The following LARGE1 variants were observed in gnomAD, a reference collection of about 807,000 sequenced individuals.
The protein encoded by LARGE1 is LARGE xylosyl- and glucuronyltransferase 1.
A neutral mutation model predicts 87.6 loss-of-function variants in LARGE1; 43 were observed. The observed-to-expected ratio is 0.49, with a 90% CI of 0.38 to 0.63. LARGE1 has a LOEUF of 0.63. Ranked by LOEUF, LARGE1 falls within the 30% of genes least tolerant of loss-of-function variation. The probability of loss-of-function intolerance (pLI) is 0.00; values close to 1 mark genes in which losing one functional copy is unlikely to be tolerated. For missense variants in LARGE1, 802 were observed against 1,000.2 expected, an observed-to-expected ratio of 0.80 and a Z score of 2.67; for synonymous variants, 434 against 394.6, an observed-to-expected ratio of 1.10 and a Z score of -1.18.
intron 3 of LARGE1, among the ~76,000 whole-genome samples, chr22:33,634,581 TC>T (rs986362873): frequency 2.7e-5 from 4 of 150,382 alleles, no homozygotes; most frequent in African/African-American, 2.4e-5. Flanking sequence ...CCACCACATG[TC>T]CCGAGGCCTT....
intron 6 of LARGE1, among the ~76,000 whole-genome samples, chr22:33,449,562 C>T (rs891403249): frequency 3.9e-5 from 6 of 152,212 alleles, no homozygotes; most frequent in Admixed American, 2.0e-4. Flanking sequence ...CAGCTACAAC[C>T]GCATTTCACT....
chr22:33,293,706 T>C (rs16992071), intron 12 of LARGE1, among the ~76,000 whole-genome samples: 1 of 152,192 alleles, frequency 6.6e-6, no homozygotes, highest in Non-Finnish European at 1.5e-5. Flanking sequence ...GATTCCACCT[T>C]GAATGAGCAA....
intron 6 of LARGE1, among the ~76,000 whole-genome samples, chr22:33,547,457 C>T (rs1027599926): frequency 2.0e-5 from 3 of 152,124 alleles, no homozygotes; most frequent in African/African-American, 7.2e-5. Flanking sequence ...CAGACCACAC[C>T]GGTCTGGCGC....
intron 1 of LARGE1, among the ~76,000 whole-genome samples, chr22:33,864,530 C>T (rs1723528671): frequency 6.6e-6 from 1 of 152,164 alleles, no homozygotes; most frequent in African/African-American, 2.4e-5. Flanking sequence ...AAAATGCATG[C>T]TTCTGTACAT....
exon 12 of LARGE1, chr22:33,163,338 T>C (rs1165409335): frequency 6.6e-6 from 1 of 152,226 alleles, no homozygotes; most frequent in Non-Finnish European, 1.5e-5. Flanking sequence ...AAATGAAGTG[T>C]GGTATGCTTT....
intron 1 of LARGE1, among the ~76,000 whole-genome samples, chr22:33,779,572 G>C (rs2085351560): frequency 6.6e-6 from 1 of 152,040 alleles, no homozygotes; most frequent in South Asian, 2.1e-4. Flanking sequence ...CAGAGGTCAA[G>C]AGTTGGAGAC....
chr22:33,623,434 T>G (rs2079818150), intron 4 of LARGE1, among the ~76,000 whole-genome samples: 3 of 152,174 alleles, frequency 2.0e-5, no homozygotes, highest in Admixed American at 2.0e-4. Context: ...GAAATCATAA[T>G]TCCAACTGGA....
chr22:33,639,673 T>C (rs751762754), intron 3 of LARGE1, among the ~76,000 whole-genome samples: 4 of 152,182 alleles, frequency 2.6e-5, no homozygotes, highest in African/African-American at 4.8e-5. Context: ...TGATACCAGT[T>C]CCAGTGACTG....
At chr22:33,518,894 A>G (rs1035500775) in intron 6 of LARGE1, among the ~76,000 whole-genome samples, 1 of 152,116 alleles carries the variant, frequency 6.6e-6, no homozygotes, top group Non-Finnish European at 1.5e-5. Flanking sequence ...ACATATATCC[A>G]GGGACCCGCA....
chr22:33,632,802 C>T (rs754066924), intron 3 of LARGE1, among the ~76,000 whole-genome samples: 67 of 152,160 alleles, frequency 4.4e-4, no homozygotes, highest in Non-Finnish European at 7.6e-4. Context: ...CTAAAGGAAA[C>T]GGCACCAATG....
chr22:33,359,847 A>G (rs1413352887), intron 9 of LARGE1, among the ~76,000 whole-genome samples: 1 of 149,358 alleles, frequency 6.7e-6, no homozygotes, highest in Non-Finnish European at 1.5e-5. Context: ...CACAGGCGTG[A>G]GCCACCGCAC....
At chr22:33,635,659 G>T (rs1289589458) in intron 3 of LARGE1, among the ~76,000 whole-genome samples, 1 of 152,168 alleles carries the variant, frequency 6.6e-6, no homozygotes, top group Non-Finnish European at 1.5e-5. Context: ...AGGTCCGAGG[G>T]CTCAGCTAGT....
At chr22:33,654,716 C>T (rs750325683) in intron 2 of LARGE1, among the ~76,000 whole-genome samples, 1 of 152,126 alleles carries the variant, frequency 6.6e-6, no homozygotes, top group Non-Finnish European at 1.5e-5. Context: ...GTGTATAGGT[C>T]GTAGTTATAC....
intron 1 of LARGE1, among the ~76,000 whole-genome samples, chr22:33,861,069 G>T (rs1047721346): frequency 2.0e-5 from 3 of 152,132 alleles, no homozygotes; most frequent in Non-Finnish European, 4.4e-5. Flanking sequence ...TAACGAAGCG[G>T]CATCGCCCAG....
chr22:33,819,621 C>T (rs750747803), intron 1 of LARGE1, among the ~76,000 whole-genome samples: 2 of 152,104 alleles, frequency 1.3e-5, no homozygotes, highest in Non-Finnish European at 2.9e-5. Flanking sequence ...AATTAAGTTA[C>T]CTTTATTAAT....
intron 1 of LARGE1, among the ~76,000 whole-genome samples, chr22:33,839,745 C>T (rs938785308): frequency 3.9e-5 from 6 of 152,204 alleles, no homozygotes; most frequent in Non-Finnish European, 7.3e-5. Flanking sequence ...GCCTTCAAAT[C>T]ACACGTTTAC....
chr22:33,896,859 G>A (rs1424946131), intron 1 of LARGE1, among the ~76,000 whole-genome samples: 1 of 152,174 alleles, frequency 6.6e-6, no homozygotes, highest in Non-Finnish European at 1.5e-5. Flanking sequence ...CTCTCCCCCA[G>A]CTGTGCTACA....
At chr22:33,439,606 T>C (rs939016933) in intron 6 of LARGE1, among the ~76,000 whole-genome samples, 1 of 152,162 alleles carries the variant, frequency 6.6e-6, no homozygotes, top group East Asian at 1.9e-4. Context: ...CCACAGATGA[T>C]GGGATCTACT....
intron 1 of LARGE1, among the ~76,000 whole-genome samples, chr22:33,782,058 T>C (rs990739938): frequency 6.6e-6 from 1 of 152,000 alleles, no homozygotes; most frequent in African/African-American, 2.4e-5. Context: ...ATGGGGAAAA[T>C]GAGGCTCAGA....
Sources: gnomAD v4.1 joint callset for allele counts (sites outside exome capture counted in the v4.1 genomes callset) on GRCh38, gnomAD v4.1.1 for gene constraint, MANE v1.5 for transcripts, NCBI Gene and HGNC (gene_info 2026-07-23, HGNC 2026-07-21) for gene names.